Variants in FBXO11 observed in about 807,000 individuals in gnomAD.
FBXO11 encodes the protein F-box protein 11, also known as F-box only protein 11.
A neutral mutation model predicts 117.0 loss-of-function variants in FBXO11; 13 were observed. That is an observed-to-expected ratio of 0.11 (90% CI 0.07 to 0.18). The LOEUF is 0.18. FBXO11 is among the 10% of genes least tolerant of loss of function. The pLI, the probability that FBXO11 is intolerant of heterozygous loss-of-function variation, is 1.00. For missense variants in FBXO11, 767 were observed against 1,164.4 expected (o/e 0.66, Z 4.97); for synonymous variants, 490 against 380.5 (o/e 1.29, Z -3.35).
intron 1 of FBXO11, among the ~76,000 whole-genome samples, chr2:47,887,419 T>A (rs1676944260): frequency 6.7e-6 from 1 of 148,978 alleles, no homozygotes; most frequent in South Asian, 2.1e-4. Context: ...GAAAACAAAA[T>A]AACTGACTTT....
chr2:47,870,668 G>C (rs746928819), intron 1 of FBXO11, among the ~76,000 whole-genome samples: 1 of 152,316 alleles, frequency 6.6e-6, no homozygotes, highest in East Asian at 1.9e-4. Context: ...CTGCTACTTT[G>C]ATTTTAAACA....
intron 1 of FBXO11, among the ~76,000 whole-genome samples, chr2:47,900,704 GTGTATATA>G (rs1678126015): frequency 1.0e-4 from 7 of 69,786 alleles, no homozygotes; most frequent in Non-Finnish European, 2.3e-4. Context: ...ATACACACAC[GTGTATATA>G]TATACACGTA....
intron 19 of FBXO11, chr2:47,810,072 T>G: frequency 2.0e-6 from 1 of 503,398 alleles, no homozygotes; most frequent in South Asian, 3.2e-5. Context: ...CTGCATTTAT[T>G]CTATCCCAAT....
At chr2:47,851,968 A>C (rs548065739) in intron 1 of FBXO11, among the ~76,000 whole-genome samples, 5 of 151,202 alleles carry the variant, frequency 3.3e-5, no homozygotes, top group African/African-American at 9.7e-5. Context: ...TGCTAATAGT[A>C]GTCTCTGTAT....
At chr2:47,888,045 T>C (rs1158240247) in intron 1 of FBXO11, among the ~76,000 whole-genome samples, 1 of 151,448 alleles carries the variant, frequency 6.6e-6, no homozygotes, top group South Asian at 2.1e-4. Context: ...AAATGAAAGA[T>C]ATATATATAT....
Position 47,823,217 on chromosome 2 carries a change from T to C in FBXO11, c.1542A>G (p.Gln514=). The change falls in exon 12 of 23, where the codon CAA becomes CAG. Residue 514 remains glutamine, a synonymous_variant. Transcript: ENST00000403359. ...GIYVHEKGRG[Q]FIENKIYANN... is the part of the protein sequence containing the mutation. ...TTGCATAGATTTTATTCTCTATGAATTGTCCTCTTCCTTTTTCATGGACAT... is the reference window on the plus strand; with the variant it reads ...TTGCATAGATTTTATTCTCTATGAACTGTCCTCTTCCTTTTTCATGGACAT... The C allele has an allele frequency of 6.2e-7, 1 of 1,614,118 alleles. No homozygotes were observed. Among genetic ancestry groups the C allele is most frequent in the Non-Finnish European group, 8.5e-7 (1 of 1,179,978 alleles).
rs1558396428 is a variant in FBXO11, at chr2:47,806,927, C to CTAA, written c.*1188_*1190dup. Reference sequence around the variant, plus strand: ...TGGTAAATTCAGACAACATTATGATCTAATAAACTTTATTTTTTAAAAATG... The same window carrying CTAA: ...TGGTAAATTCAGACAACATTATGATCTAATAATAAACTTTATTTTTTAAAAATG... On this transcript the variant is annotated 3_prime_UTR_variant, in exon 23 of 23. Coordinates refer to ENST00000403359, the MANE Select transcript of FBXO11 (RefSeq NM_001190274.2). 8.6e-7 allele frequency: 1 copy of CTAA among 1,168,126 alleles called. No individual in the cohort carries two copies. The highest frequency in any genetic ancestry group is 1.3e-6 in the Non-Finnish European group (1 of 787,728). 72.4% of individuals were successfully genotyped at this position (1,168,126 alleles called of 1,614,324 possible).
chr2:47,828,435 C>G (rs1254148987), intron 11 of FBXO11, among the ~76,000 whole-genome samples: 4 of 152,136 alleles, frequency 2.6e-5, no homozygotes, highest in Non-Finnish European at 5.9e-5. Context: ...TGGTAAAACC[C>G]TGTCTGTACT....
intron 17 of FBXO11, 58 bp from the exon 18 acceptor site, chr2:47,813,435 T>TTTTC: frequency 9.7e-7 from 1 of 1,028,164 alleles, no homozygotes; most frequent in East Asian, 3.0e-5. Flanking sequence ...ATTTTTTTTT[T>TTTTC]TTTTTTTTTT....
At chr2:47,812,972 A>G in intron 18 of FBXO11, 3 of 429,696 alleles carry the variant, frequency 7.0e-6, no homozygotes, top group Non-Finnish European at 8.5e-6. Context: ...GAATTTTAAA[A>G]GGTCCAGAGA....
chr2:47,903,777 C>A (rs1049594407), intron 1 of FBXO11, among the ~76,000 whole-genome samples: 23 of 152,136 alleles, frequency 1.5e-4, no homozygotes, highest in Non-Finnish European at 1.0e-4. Context: ...ATTGTTTTCT[C>A]AAACATATTT....
intron 1 of FBXO11, among the ~76,000 whole-genome samples, chr2:47,847,729 T>TA (rs1673528624): frequency 6.7e-6 from 1 of 149,290 alleles, no homozygotes; most frequent in Admixed American, 6.7e-5. Context: ...CAAAATATGG[T>TA]ATCATAATTT....
rs562349059 is a variant in FBXO11 at position 47,865,184 on chromosome 2, A to G, written c.233-25415T>C. ...GAACCTGATTGTATCTTTGTGACAG[A>G]AACTGCTATCACCCCAAATCTATTT... is the stretch of plus-strand genomic sequence containing the variant. On this transcript the variant is annotated intron_variant, in intron 1 of 22. Transcript: ENST00000403359. Among the ~76,000 whole-genome samples the G allele has an allele frequency of 5.3e-5, 8 of 152,338 alleles. No homozygotes were observed. The East Asian group carries it at 1.5e-3, about 29-fold the overall frequency.
intron 1 of FBXO11, among the ~76,000 whole-genome samples, chr2:47,901,014 T>C (rs116251357): frequency 0.011 from 1,604 of 142,154 alleles, 31 homozygotes; most frequent in African/African-American, 0.037. Flanking sequence ...GAGATATATA[T>C]ATTTATGTAT....
At position 47,900,637 on chromosome 2, in the gene FBXO11, TAC is replaced by T. The variant is rs1161802786; in HGVS notation, c.232+4850_232+4851del. Among the ~76,000 whole-genome samples, 38 of 27,658 alleles carry T rather than the reference TAC, an allele frequency of 1.4e-3. 2 individuals are homozygous for T. The highest frequency in any genetic ancestry group is 0.013 in the South Asian group (10 of 770). The allele number at this position is 27,658 out of a possible 152,430, so 18.1% of individuals were successfully genotyped here. Reference sequence around the variant, plus strand: ...GTATATACACACGTATACACACACGTACGTATATACACACGTATACACACACG... The same window carrying T: ...GTATATACACACGTATACACACACGTGTATATACACACGTATACACACACG... On this transcript the variant is annotated intron_variant, in intron 1 of 22. Transcript: ENST00000403359.
chr2:47,848,649 A>G (rs538366728), intron 1 of FBXO11, among the ~76,000 whole-genome samples: 1 of 152,352 alleles, frequency 6.6e-6, no homozygotes. Context: ...TGCTATAAAT[A>G]CACTACAATC....
chr2:47,883,807 T>A (rs1676614609), intron 1 of FBXO11: 1 of 225,206 alleles, frequency 4.4e-6, no homozygotes. Flanking sequence ...TAGTCGGGAG[T>A]GCCCTTCAGA....
chr2:47,882,338 T>A (rs904742724), intron 1 of FBXO11, among the ~76,000 whole-genome samples: 4 of 152,158 alleles, frequency 2.6e-5, no homozygotes, highest in African/African-American at 9.7e-5. Context: ...AGTGGGGTAG[T>A]TAGGAAGGTT....
At chr2:47,820,159 ATAAT>A (rs1359356700) in intron 14 of FBXO11, among the ~76,000 whole-genome samples, 199 bp downstream of exon 14, 1 of 152,242 alleles carries the variant, frequency 6.6e-6, no homozygotes, top group African/African-American at 2.4e-5. Context: ...TAAATTTTAC[ATAAT>A]TAAACACAAA....
Sources: allele counts gnomAD v4.1 joint callset (sites outside exome capture counted in the v4.1 genomes callset), GRCh38; gene constraint gnomAD v4.1.1; transcripts MANE v1.5; gene names NCBI Gene and HGNC (gene_info 2026-07-23, HGNC 2026-07-21).